GATA6: variants seen among roughly 807,000 people sequenced by gnomAD.
GATA6 encodes GATA binding protein 6, also known as transcription factor GATA-6.
GATA6 carries 11 observed loss-of-function variants against 48.1 expected under a neutral mutation model. That is an observed-to-expected ratio of 0.23 (90% CI 0.14 to 0.38). The LOEUF (loss-of-function observed/expected upper bound fraction) is 0.38. Ranked by LOEUF, GATA6 falls within the 10% of genes least tolerant of loss-of-function variation. The pLI is 1.00. For synonymous variants in GATA6, 419 were observed against 396.1 expected, an observed-to-expected ratio of 1.06 and a Z score of -0.69; for missense variants, 795 against 850.3, an observed-to-expected ratio of 0.93 and a Z score of 0.81.
At chr18:22,180,600 T>G (rs2033180207) in intron 3 of GATA6, among the ~76,000 whole-genome samples, 1 of 152,148 alleles carries the variant, frequency 6.6e-6, no homozygotes, top group Non-Finnish European at 1.5e-5. Flanking sequence ...GCTCGTATCC[T>G]TTGTAAAATA....
In GATA6 at chr18:22,171,507, C is replaced by T. The variant is rs542017111; in HGVS notation, c.363C>T (p.Ala121=). The part of the protein sequence containing the change: ...DLLLFTDLDQ[A]ATASKLLWSS... ...TGCTGTTCACTGACCTCGACCAAGCCGCGACCGCCAGCAAGCTGCTGTGGT... is the reference window on the plus strand; with the variant it reads ...TGCTGTTCACTGACCTCGACCAAGCTGCGACCGCCAGCAAGCTGCTGTGGT... Residue 121 remains alanine, a synonymous_variant, in exon 2 of 7, where the codon GCC becomes GCT. Coordinates refer to ENST00000269216, the MANE Select transcript of GATA6 (RefSeq NM_005257.6). This position sits in a 1 kb window ranked among gnomAD's most constrained non-coding sequence, Gnocchi z 7.1. The T allele has an allele frequency of 6.2e-7, 1 of 1,602,942 alleles. No homozygotes were observed. Among genetic ancestry groups the T allele is most frequent in the Non-Finnish European group, 8.5e-7 (1 of 1,179,602 alleles).
At chr18:22,193,189 G>T (rs572591701) in intron 6 of GATA6, among the ~76,000 whole-genome samples, 1 of 152,222 alleles carries the variant, frequency 6.6e-6, no homozygotes, top group Admixed American at 6.5e-5. Context: ...GAGAAAAGGT[G>T]TCCATGTTCC....
At chr18:22,175,559 G>C (rs1046714033) in intron 2 of GATA6, 1 of 152,206 alleles carries the variant, frequency 6.6e-6, no homozygotes, top group Non-Finnish European at 1.5e-5. Context: ...ATAAACCTTT[G>C]TGATGTGTTG....
At chr18:22,198,074 CTT>C (rs67205814) in intron 6 of GATA6, among the ~76,000 whole-genome samples, 20 of 126,304 alleles carry the variant, frequency 1.6e-4, no homozygotes, top group East Asian at 3.2e-4. Context: ...CTCTTTCTTT[CTT>C]TTTTTTTTTT....
intron 6 of GATA6, among the ~76,000 whole-genome samples, chr18:22,197,103 G>A (rs1396602214): frequency 7.0e-6 from 1 of 142,254 alleles, no homozygotes; most frequent in Non-Finnish European, 1.5e-5. Flanking sequence ...TTTTGAGATG[G>A]AGTTTCACTT....
At chr18:22,196,394 G>A (rs2033389648) in intron 6 of GATA6, among the ~76,000 whole-genome samples, 1 of 152,180 alleles carries the variant, frequency 6.6e-6, no homozygotes, top group South Asian at 2.1e-4. Flanking sequence ...TTATTCAGGT[G>A]TAAGAATAAC....
Position 22,202,158 on chromosome 18 carries a change from A to G in GATA6, c.*1335A>G, listed in dbSNP as rs888689336. Reference sequence around the variant, plus strand: ...ACCTTGGCTTATTTGAAGTTGACACATGGGGTTAGTTACTACTCTCCATGT... The same window carrying G: ...ACCTTGGCTTATTTGAAGTTGACACGTGGGGTTAGTTACTACTCTCCATGT... On this transcript the variant is annotated 3_prime_UTR_variant, in exon 7 of 7. Transcript: ENST00000269216. The G allele has an allele frequency of 2.0e-5, 3 of 152,174 alleles. No individual in the cohort carries two copies. The highest frequency in any genetic ancestry group is 7.2e-5 in the African/African-American group (3 of 41,438). The allele number at this position is 152,174 out of a possible 1,614,324, so 9.4% of individuals were successfully genotyped here.
At chr18:22,175,148 T>G (rs1435745388) in intron 2 of GATA6, among the ~76,000 whole-genome samples, 4 of 152,182 alleles carry the variant, frequency 2.6e-5, no homozygotes, top group Admixed American at 2.6e-4. Context: ...ACAGCATTTT[T>G]TTTTCCTTTT....
intron 6 of GATA6, among the ~76,000 whole-genome samples, chr18:22,192,074 C>T (rs1180174232): frequency 6.6e-6 from 1 of 152,186 alleles, no homozygotes; most frequent in Admixed American, 6.5e-5. Context: ...CGTGGTGAAG[C>T]CTGAATATGG....
At position 22,171,885 on chromosome 18, in the gene GATA6, G is replaced by C. The variant is rs1327141731; in HGVS notation, c.741G>C (p.Ala247=). Reference sequence around the variant, plus strand: ...GCGGCGCGGCTGGCGGCGGGGCCGCGGGGCCTGGCGGCGCTGGCTCAGCCG... The same window carrying C: ...GCGGCGCGGCTGGCGGCGGGGCCGCCGGGCCTGGCGGCGCTGGCTCAGCCG... ...SGGGAAGGGA[A]GPGGAGSAAA... is the part of the protein sequence containing the mutation. Residue 247 remains alanine (A), a synonymous_variant, in exon 2 of 7, where the codon GCG becomes GCC. Coordinates refer to ENST00000269216, the MANE Select transcript of GATA6 (RefSeq NM_005257.6). The surrounding 1 kb of genome is among the most constrained non-coding windows in gnomAD (Gnocchi z 7.1). 20 of 1,152,134 alleles carry C rather than the reference G, an allele frequency of 1.7e-5. No homozygotes were observed. The highest frequency in any genetic ancestry group is 1.9e-5 in the Non-Finnish European group (18 of 937,930). 71.4% of individuals were successfully genotyped at this position (1,152,134 alleles called of 1,614,324 possible).
chr18:22,180,611 G>A (rs2033180357), intron 3 of GATA6, among the ~76,000 whole-genome samples: 1 of 151,464 alleles, frequency 6.6e-6, no homozygotes, highest in South Asian at 2.1e-4. Flanking sequence ...TTGTAAAATA[G>A]ATAAAACAAA....
intron 6 of GATA6, among the ~76,000 whole-genome samples, chr18:22,193,765 A>G (rs1448351886): frequency 1.3e-5 from 2 of 152,182 alleles, no homozygotes; most frequent in Non-Finnish European, 2.9e-5. Context: ...AGATTCCAGC[A>G]AGGAAGATAG....
At chr18:22,186,310 C>G (rs930405873) in intron 6 of GATA6, among the ~76,000 whole-genome samples, 1 of 152,086 alleles carries the variant, frequency 6.6e-6, no homozygotes, top group African/African-American at 2.4e-5. Context: ...GCCACATATC[C>G]CTCCATTTAG....
At chr18:22,183,169 AAGAAT>A in intron 6 of GATA6, 126 bp downstream of exon 6, 1 of 769,206 alleles carries the variant, frequency 1.3e-6, no homozygotes. Flanking sequence ...GTTGATACCT[AAGAAT>A]AGTTTTTAGA....
chr18:22,180,662 T>C (rs955603612), intron 3 of GATA6, among the ~76,000 whole-genome samples: 17 of 151,760 alleles, frequency 1.1e-4, no homozygotes, highest in African/African-American at 4.1e-4. Flanking sequence ...TTATGGAATG[T>C]ATTCAAATAT....
intron 6 of GATA6, among the ~76,000 whole-genome samples, chr18:22,195,091 G>A (rs1476865151): frequency 6.6e-6 from 1 of 152,130 alleles, no homozygotes; most frequent in Non-Finnish European, 1.5e-5. Context: ...ACTTGAACTC[G>A]GGAGGCGGAG....
chr18:22,175,275 T>C (rs2033107010), intron 2 of GATA6, among the ~76,000 whole-genome samples: 1 of 152,164 alleles, frequency 6.6e-6, no homozygotes, highest in Non-Finnish European at 1.5e-5. Flanking sequence ...TTATCCAAAG[T>C]GGACTTTTAA....
At chr18:22,188,249 G>T (rs1200349798) in intron 6 of GATA6, among the ~76,000 whole-genome samples, 1 of 152,322 alleles carries the variant, frequency 6.6e-6, no homozygotes. Flanking sequence ...GTAAAACAAA[G>T]TGCCACATCT....
At chr18:22,198,360 C>T (rs1188144990) in intron 6 of GATA6, among the ~76,000 whole-genome samples, 1 of 152,188 alleles carries the variant, frequency 6.6e-6, no homozygotes, top group African/African-American at 2.4e-5. Context: ...CACGAGCCAC[C>T]GTGCCCAGCC....
Sources: gnomAD v4.1 joint callset for allele counts (sites outside exome capture counted in the v4.1 genomes callset) on GRCh38, gnomAD v4.1.1 for gene constraint, Gnocchi (gnomAD v3.1) non-coding constraint, MANE v1.5 for transcripts, NCBI Gene and HGNC (gene_info 2026-07-23, HGNC 2026-07-21) for gene names.